Variants in PIBF1 observed in about 807,000 individuals in gnomAD.
PIBF1 encodes progesterone-induced-blocking factor 1.
Under a neutral mutation model 112.5 loss-of-function variants are expected in PIBF1, and 90 were observed. That is an observed-to-expected ratio of 0.80 (90% CI 0.67 to 0.95). The LOEUF (loss-of-function observed/expected upper bound fraction) is 0.95, where lower values mean the gene tolerates loss of function less well. Ranked by LOEUF, PIBF1 falls within the 40% of genes least tolerant of loss-of-function variation. PIBF1 has a pLI of 0.00. For missense variants in PIBF1, 915 were observed against 852.3 expected (o/e 1.07, Z -0.92); for synonymous variants, 301 against 288.6 (o/e 1.04, Z -0.44).
Position 73,016,003 on chromosome 13 carries a change from G to T in PIBF1, c.*84G>T. On this transcript the variant is annotated 3_prime_UTR_variant, in exon 18 of 18. Transcript: ENST00000326291. The stretch of plus-strand genomic sequence containing the variant: ...GGAAAACAAAATTCAGCTTAATCGT[G>T]TACTCAGCATTTTTTAAATAACAAT... 1 of 640,294 alleles carries T rather than the reference G, an allele frequency of 1.6e-6. No individual in the cohort carries two copies. The highest frequency in any genetic ancestry group is 3.2e-5 in the South Asian group (1 of 31,594). The allele number at this position is 640,294 out of a possible 1,614,324, so 39.7% of individuals were successfully genotyped here.
At chr13:72,936,233 C>T (rs536541719) in intron 14 of PIBF1, among the ~76,000 whole-genome samples, 1 of 152,120 alleles carries the variant, frequency 6.6e-6, no homozygotes, top group African/African-American at 2.4e-5. Flanking sequence ...GATGAGGTCT[C>T]ACTATGTTGC....
At chr13:72,898,949 A>G (rs752629433) in intron 11 of PIBF1, among the ~76,000 whole-genome samples, 2 of 152,142 alleles carry the variant, frequency 1.3e-5, no homozygotes, top group Non-Finnish European at 2.9e-5. Flanking sequence ...AGATATTACA[A>G]CTGACACCAC....
chr13:73,010,710 T>C (rs901480615), intron 17 of PIBF1, among the ~76,000 whole-genome samples: 2 of 151,650 alleles, frequency 1.3e-5, no homozygotes, highest in African/African-American at 4.8e-5. Flanking sequence ...CACCCAAATC[T>C]ATCTGATTGT....
chr13:72,987,858 A>ATTTTTTTTTTTTTTTTTTTTT (rs55999445), intron 16 of PIBF1, among the ~76,000 whole-genome samples: 9 of 58,118 alleles, frequency 1.5e-4, no homozygotes, highest in African/African-American at 8.4e-4. Flanking sequence ...TTATTTATTT[A>ATTTTTTTTTTTTTTTTTTTTT]TTTTTTTTTT....
intron 8 of PIBF1, among the ~76,000 whole-genome samples, chr13:72,831,457 A>G (rs930663369): frequency 6.6e-5 from 10 of 152,100 alleles, no homozygotes; most frequent in African/African-American, 2.4e-4. Flanking sequence ...AGATTCTGGT[A>G]TGTTGTGTCT....
At chr13:72,811,646 G>A (rs948069097) in intron 5 of PIBF1, among the ~76,000 whole-genome samples, 4 of 150,122 alleles carry the variant, frequency 2.7e-5, no homozygotes, top group Admixed American at 6.6e-5. Context: ...ATTTCTTGCC[G>A]CCAATATAAA....
At chr13:72,855,967 T>C (rs1201184792) in intron 10 of PIBF1, among the ~76,000 whole-genome samples, 1 of 152,180 alleles carries the variant, frequency 6.6e-6, no homozygotes, top group African/African-American at 2.4e-5. Context: ...CATTCATCAC[T>C]TGATAGCTAC....
At chr13:72,822,043 TG>T in intron 6 of PIBF1, 61 bp downstream of exon 6, 1 of 1,442,340 alleles carries the variant, frequency 6.9e-7, no homozygotes, top group Non-Finnish European at 9.4e-7. Flanking sequence ...CAAAGTCACC[TG>T]AGTTTTTACC....
chr13:72,936,009 T>TTTAC (rs1160756505), intron 14 of PIBF1, among the ~76,000 whole-genome samples: 2 of 68,398 alleles, frequency 2.9e-5, no homozygotes, highest in Non-Finnish European at 7.8e-5. Context: ...ATGATGTCTT[T>TTTAC]TTATTTATTT....
intron 9 of PIBF1, among the ~76,000 whole-genome samples, chr13:72,850,219 C>G (rs1447678142): frequency 1.3e-5 from 2 of 152,170 alleles, no homozygotes; most frequent in Non-Finnish European, 2.9e-5. Context: ...TGGTAGAAGC[C>G]TTAGCTTCTT....
At chr13:72,926,659 C>A (rs1356692627) in intron 13 of PIBF1, among the ~76,000 whole-genome samples, 1 of 152,144 alleles carries the variant, frequency 6.6e-6, no homozygotes. Context: ...TAGCTTCAAC[C>A]CTCACCATGC....
intron 15 of PIBF1, among the ~76,000 whole-genome samples, chr13:72,972,775 G>GC (rs2042930359): frequency 6.6e-6 from 1 of 152,074 alleles, no homozygotes; most frequent in African/African-American, 2.4e-5. Context: ...ACCATGCCAG[G>GC]CCAGAAATTG....
chr13:72,863,341 A>AT (rs772415814), intron 10 of PIBF1, among the ~76,000 whole-genome samples: 4 of 152,090 alleles, frequency 2.6e-5, no homozygotes, highest in Non-Finnish European at 5.9e-5. Flanking sequence ...AAAAAATAAA[A>AT]TTTTTTCCAC....
At chr13:72,949,281 T>C (rs1459914780) in intron 14 of PIBF1, among the ~76,000 whole-genome samples, 4 of 145,062 alleles carry the variant, frequency 2.8e-5, no homozygotes, top group Non-Finnish European at 4.5e-5. Flanking sequence ...ATGTAACTAC[T>C]ACCTAGACAA....
intron 14 of PIBF1, among the ~76,000 whole-genome samples, chr13:72,947,679 G>A (rs767141257): frequency 4.6e-5 from 7 of 152,090 alleles, no homozygotes; most frequent in African/African-American, 7.2e-5. Context: ...ATAGTGTGGC[G>A]ATTCCTCAAG....
chr13:72,791,669 G>A (rs568022860), intron 2 of PIBF1, among the ~76,000 whole-genome samples: 101 of 151,438 alleles, frequency 6.7e-4, no homozygotes, highest in African/African-American at 2.2e-3. Context: ...GTCTCGCTCT[G>A]TCTCCCAGGC....
At chr13:72,806,400 T>A (rs2035735979) in intron 5 of PIBF1, among the ~76,000 whole-genome samples, 1 of 152,048 alleles carries the variant, frequency 6.6e-6, no homozygotes, top group South Asian at 2.1e-4. Context: ...GTACTTTAAG[T>A]TCTGGGGTAC....
chr13:72,853,974 A>G, intron 9 of PIBF1, 83 bp from the exon 10 acceptor site: 1 of 1,070,020 alleles, frequency 9.3e-7, no homozygotes, highest in Non-Finnish European at 1.4e-6. Context: ...TGGGTCCTTA[A>G]GATTGTCAGA....
In PIBF1 at chr13:72,927,638, T is replaced by C. The variant is rs544394520; in HGVS notation, c.1731-3527T>C. 4.2e-3 allele frequency among the ~76,000 whole-genome samples: 633 copies of C among 152,194 alleles called. 8 individuals carry two copies. The highest frequency in any genetic ancestry group is 4.6e-3 in the South Asian group (22 of 4,824). On this transcript the variant is annotated intron_variant, in intron 13 of 17. Transcript: ENST00000326291. ...CTGGCCTCAAGTGATCTGCCTGCCTTGGCCTAATTTTTTTTTACTGTTTTT... is the reference window on the plus strand; with the variant it reads ...CTGGCCTCAAGTGATCTGCCTGCCTCGGCCTAATTTTTTTTTACTGTTTTT...
Sources: gnomAD v4.1 joint callset for allele counts (sites outside exome capture counted in the v4.1 genomes callset) on GRCh38, gnomAD v4.1.1 for gene constraint, MANE v1.5 for transcripts, NCBI Gene and HGNC (gene_info 2026-07-23, HGNC 2026-07-21) for gene names.